The following INPP4A variants were observed in gnomAD, a reference collection of about 807,000 sequenced individuals.
INPP4A encodes inositol polyphosphate-4-phosphatase type I A.
INPP4A carries 33 observed loss-of-function variants against 119.8 expected under a neutral mutation model. That is an observed-to-expected ratio of 0.28 (90% CI 0.21 to 0.37). INPP4A has a LOEUF of 0.37. INPP4A is among the 10% of genes least tolerant of loss of function. The pLI is 1.00. For synonymous variants in INPP4A, 496 were observed against 500.7 expected, an observed-to-expected ratio of 0.99 and a Z score of 0.12; for missense variants, 956 against 1,289.9, an observed-to-expected ratio of 0.74 and a Z score of 3.97.
chr2:98,468,030 C>T (rs1028368713), intron 1 of INPP4A, among the ~76,000 whole-genome samples: 3 of 152,116 alleles, frequency 2.0e-5, no homozygotes, highest in Non-Finnish European at 4.4e-5. Context: ...TCATCTTTGT[C>T]GAGTTCCACA....
At chr2:98,466,209 C>A (rs955376472) in intron 1 of INPP4A, among the ~76,000 whole-genome samples, 1 of 152,174 alleles carries the variant, frequency 6.6e-6, no homozygotes, top group South Asian at 2.1e-4. Flanking sequence ...CCATGCACAG[C>A]TAATTTTTGT....
chr2:98,475,589 A>T (rs1437589417), intron 1 of INPP4A, among the ~76,000 whole-genome samples: 1 of 152,236 alleles, frequency 6.6e-6, no homozygotes, highest in Non-Finnish European at 1.5e-5. Flanking sequence ...ATTTAGCAGG[A>T]CATTGAACAT....
At chr2:98,492,035 A>C (rs1343605177) in intron 1 of INPP4A, among the ~76,000 whole-genome samples, 1 of 152,104 alleles carries the variant, frequency 6.6e-6, no homozygotes, top group Non-Finnish European at 1.5e-5. Context: ...GATTATAGGC[A>C]TGAACCACCA....
chr2:98,496,936 C>T (rs1682099147), intron 1 of INPP4A, among the ~76,000 whole-genome samples: 1 of 152,196 alleles, frequency 6.6e-6, no homozygotes, highest in Non-Finnish European at 1.5e-5. Context: ...CTGGGTTTCA[C>T]ATGTGGCTCT....
chr2:98,568,533 C>A, intron 21 of INPP4A, 38 bp from the exon 22 acceptor site: 3 of 1,030,664 alleles, frequency 2.9e-6, no homozygotes, highest in Non-Finnish European at 3.0e-6. Flanking sequence ...AAGAAAGTGA[C>A]ATTAGCCAAC....
intron 1 of INPP4A, among the ~76,000 whole-genome samples, chr2:98,518,054 T>C (rs1686485707): frequency 6.6e-6 from 1 of 152,252 alleles, no homozygotes; most frequent in Non-Finnish European, 1.5e-5. Context: ...GTGTTCCTCA[T>C]TTATAAATTC....
chr2:98,562,710 A>C (rs946069592), intron 17 of INPP4A, among the ~76,000 whole-genome samples: 2 of 152,206 alleles, frequency 1.3e-5, no homozygotes, highest in African/African-American at 4.8e-5. Context: ...AATAGGAAGG[A>C]AAAAAAGAGT....
At position 98,469,487 on chromosome 2, in the gene INPP4A, A is replaced by G. The variant is rs1283467094; in HGVS notation, c.-166+24402A>G. On this transcript the variant is annotated intron_variant, in intron 1 of 24. Transcript: ENST00000409851. The stretch of plus-strand genomic sequence containing the variant: ...TGCACTCCAGCCTGGGCAACAGAGC[A>G]AGACTCCGTCTCAAAAAAAAAAAAA... 4.0e-5 allele frequency among the ~76,000 whole-genome samples: 6 copies of G among 150,096 alleles called. No individual in the cohort carries two copies. The East Asian group carries it at 1.2e-3, about 29-fold the overall frequency.
intron 1 of INPP4A, among the ~76,000 whole-genome samples, chr2:98,508,002 G>C (rs1332034450): frequency 6.6e-6 from 1 of 152,220 alleles, no homozygotes; most frequent in Non-Finnish European, 1.5e-5. Flanking sequence ...AGGGCATGGG[G>C]TGAATGCAAA....
At chr2:98,584,444 C>T (rs1699720684) in intron 24 of INPP4A, among the ~76,000 whole-genome samples, 1 of 152,246 alleles carries the variant, frequency 6.6e-6, no homozygotes. Flanking sequence ...CTCCCTCTCC[C>T]AGGGCTCAAG....
At chr2:98,481,498 G>A (rs1317096793) in intron 1 of INPP4A, among the ~76,000 whole-genome samples, 1 of 152,212 alleles carries the variant, frequency 6.6e-6, no homozygotes, top group Non-Finnish European at 1.5e-5. Flanking sequence ...TTTCTTTAGG[G>A]AGCTGCATTT....
At position 98,552,678 on chromosome 2, in the gene INPP4A, G is replaced by A. The variant is rs1312636706; in HGVS notation, c.1164-108G>A. On this transcript the variant is annotated intron_variant, in intron 13 of 24. Coordinates refer to ENST00000409851, the MANE Select transcript of INPP4A (RefSeq NM_001134225.2). ...GAGTAGCTTGAGAGAACATCCCTGA[G>A]TCACAGAACACTTCATCTTAGGGTC... 3.3e-6 allele frequency: 3 copies of A among 896,714 alleles called. No homozygotes were observed. In the African/African-American group the frequency reaches 4.9e-5, roughly 15 times the overall value. The allele number at this position is 896,714 out of a possible 1,614,324, so 55.5% of individuals were successfully genotyped here. A position where few individuals can be genotyped will look rare whatever the true frequency, so the allele number is the denominator to read the frequency against.
At chr2:98,544,462 C>G (rs1002176178) in intron 11 of INPP4A, among the ~76,000 whole-genome samples, 3 of 152,190 alleles carry the variant, frequency 2.0e-5, no homozygotes, top group African/African-American at 7.2e-5. Context: ...GTGGTAACTT[C>G]TATTAAACAT....
intron 21 of INPP4A, 82 bp from the exon 22 acceptor site, chr2:98,568,489 A>C: frequency 1.4e-6 from 1 of 690,510 alleles, no homozygotes; most frequent in East Asian, 2.7e-5. Flanking sequence ...GAGAATCAGC[A>C]TAGTTAGCTT....
chr2:98,555,184 A>G (rs1053134826), intron 15 of INPP4A, among the ~76,000 whole-genome samples: 3 of 152,030 alleles, frequency 2.0e-5, no homozygotes, highest in Non-Finnish European at 2.9e-5. Flanking sequence ...GTTCCCTTCT[A>G]TCAAAAGGAG....
chr2:98,477,091 T>C (rs1468641985), intron 1 of INPP4A, among the ~76,000 whole-genome samples: 4 of 152,250 alleles, frequency 2.6e-5, no homozygotes, highest in Non-Finnish European at 2.9e-5. Flanking sequence ...GATTAAGTCA[T>C]CTGATTCTTG....
chr2:98,559,586 T>G, intron 17 of INPP4A, 91 bp downstream of exon 17: 1 of 1,364,916 alleles, frequency 7.3e-7, no homozygotes, highest in East Asian at 2.4e-5. Flanking sequence ...GATTGCCTTA[T>G]GATCCCAGAG....
rs908101444 is a variant in INPP4A, at chr2:98,568,855, C to T, written c.2518+187C>T. Reference sequence around the variant, plus strand: ...GCTTCCCTTGGCTGTGGCCCTCATTCATCTCTTTGCTGTCGATTCTCTACT... The same window carrying T: ...GCTTCCCTTGGCTGTGGCCCTCATTTATCTCTTTGCTGTCGATTCTCTACT... On this transcript the variant is annotated intron_variant, in intron 22 of 24. Transcript: ENST00000409851. 4 of 567,734 alleles carry T rather than the reference C, an allele frequency of 7.0e-6. 1 individual carries two copies. Among genetic ancestry groups the T allele is most frequent in the Middle Eastern group, 9.4e-4 (2 of 2,130 alleles). The allele number at this position is 567,734 out of a possible 1,614,324, so 35.2% of individuals were successfully genotyped here.
chr2:98,479,021 A>G (rs1054651845), intron 1 of INPP4A, among the ~76,000 whole-genome samples: 1 of 152,080 alleles, frequency 6.6e-6, no homozygotes, highest in African/African-American at 2.4e-5. Flanking sequence ...ACTGGGCCCT[A>G]CCCACAGGGA....
Sources: allele counts gnomAD v4.1 joint callset (sites outside exome capture counted in the v4.1 genomes callset), GRCh38; gene constraint gnomAD v4.1.1; transcripts MANE v1.5; gene names NCBI Gene and HGNC (gene_info 2026-07-23, HGNC 2026-07-21).